The following GULP1 variants were observed in gnomAD, a reference collection of about 807,000 sequenced individuals.
GULP1 encodes GULP PTB domain containing engulfment adaptor 1, also known as PTB domain-containing engulfment adapter protein 1.
GULP1 carries 19 observed loss-of-function variants against 40.9 expected under a neutral mutation model. The ratio of observed to expected loss-of-function variants is 0.46; its 90% CI spans 0.32 to 0.68. The LOEUF (loss-of-function observed/expected upper bound fraction) is 0.68. GULP1 is among the 30% of genes least tolerant of loss of function. The pLI is 0.03. For synonymous variants in GULP1, 119 were observed against 117.6 expected, an observed-to-expected ratio of 1.01 and a Z score of -0.08; for missense variants, 312 against 362.2, an observed-to-expected ratio of 0.86 and a Z score of 1.12.
At chr2:188,529,295 T>C (rs1438234727) in intron 6 of GULP1, 100 bp downstream of exon 6, 9 of 600,124 alleles carry the variant, frequency 1.5e-5, no homozygotes, top group Non-Finnish European at 2.6e-5. Flanking sequence ...CTGAACTGTT[T>C]AGTTCTGAGT....
chr2:188,555,696 C>T (rs552453770), intron 7 of GULP1, among the ~76,000 whole-genome samples: 19 of 152,018 alleles, frequency 1.2e-4, no homozygotes, highest in Non-Finnish European at 2.5e-4. Context: ...ACTGCCTTTT[C>T]GTTTTGTATC....
intron 1 of GULP1, among the ~76,000 whole-genome samples, chr2:188,370,943 C>T (rs569410818): frequency 6.6e-6 from 1 of 151,952 alleles, no homozygotes; most frequent in East Asian, 1.9e-4. Flanking sequence ...AGATTTTTCT[C>T]CTCTCTTTAA....
At chr2:188,405,578 T>G (rs771618955) in intron 2 of GULP1, among the ~76,000 whole-genome samples, 51 of 152,270 alleles carry the variant, frequency 3.3e-4, no homozygotes, top group Middle Eastern at 3.4e-3. Flanking sequence ...GGACCCAGGC[T>G]TCAGGCCAGC....
At chr2:188,578,282 AT>A (rs1700555548) in intron 9 of GULP1, among the ~76,000 whole-genome samples, 1 of 151,996 alleles carries the variant, frequency 6.6e-6, no homozygotes, top group Non-Finnish European at 1.5e-5. Context: ...ACACTTTTAT[AT>A]TTCTTTTTGT....
Position 188,533,253 on chromosome 2 carries a change from T to C in GULP1, c.261+4058T>C, listed in dbSNP as rs145239525. Among the ~76,000 whole-genome samples the C allele has an allele frequency of 3.6e-3, 550 of 151,902 alleles. 5 individuals carry two copies. Among genetic ancestry groups the C allele is most frequent in the African/African-American group, 0.013 (528 of 41,436 alleles). On this transcript the variant is annotated intron_variant, in intron 6 of 11. Coordinates refer to ENST00000409830, the MANE Select transcript of GULP1 (RefSeq NM_016315.4). ...TGAGGAAAAACCAAAGTGAATAGGG[T>C]CAAAAATTAAGCTGGGCTTAGAAAA...
At chr2:188,423,864 T>A (rs1270392736) in intron 2 of GULP1, among the ~76,000 whole-genome samples, 3 of 151,774 alleles carry the variant, frequency 2.0e-5, no homozygotes, top group Admixed American at 2.0e-4. Context: ...ATAATATTTT[T>A]AAAATTATTT....
intron 7 of GULP1, among the ~76,000 whole-genome samples, chr2:188,544,982 G>A (rs960143858): frequency 6.6e-6 from 1 of 151,940 alleles, no homozygotes; most frequent in Admixed American, 6.6e-5. Flanking sequence ...AATCTTGAAA[G>A]CAGCATGAGA....
At chr2:188,390,350 C>A (rs905186448) in intron 2 of GULP1, among the ~76,000 whole-genome samples, 1 of 151,964 alleles carries the variant, frequency 6.6e-6, no homozygotes, top group African/African-American at 2.4e-5. Flanking sequence ...TAATTGGCAT[C>A]GTCCTGATGA....
intron 2 of GULP1, among the ~76,000 whole-genome samples, chr2:188,419,338 A>G (rs770316033): frequency 6.6e-6 from 1 of 151,966 alleles, no homozygotes; most frequent in South Asian, 2.1e-4. Context: ...AAGAGTCCCA[A>G]TTTCTCCATA....
intron 4 of GULP1, among the ~76,000 whole-genome samples, chr2:188,511,398 C>G (rs1157954246): frequency 1.3e-5 from 2 of 152,114 alleles, no homozygotes; most frequent in African/African-American, 4.8e-5. Context: ...TGAAGCTTGC[C>G]TGGCTCCAAA....
At chr2:188,588,431 A>G (rs1702856540) in intron 11 of GULP1, 1 of 161,994 alleles carries the variant, frequency 6.2e-6, no homozygotes, top group African/African-American at 2.4e-5. Flanking sequence ...ACCAGTGACA[A>G]CTTATTTAGG....
At chr2:188,569,526 T>G in intron 8 of GULP1, 171 bp downstream of exon 8, 1 of 578,020 alleles carries the variant, frequency 1.7e-6, no homozygotes, top group Non-Finnish European at 3.1e-6. Context: ...CTGCACAGTT[T>G]TTTTTTTTTA....
At chr2:188,552,093 G>A (rs1451006425) in intron 7 of GULP1, among the ~76,000 whole-genome samples, 6 of 151,156 alleles carry the variant, frequency 4.0e-5, no homozygotes, top group South Asian at 2.1e-4. Context: ...TGAATAATCC[G>A]AAAATATTTT....
rs1278425652 is a variant in GULP1, at chr2:188,502,461, A to G, written c.90+18969A>G. Among the ~76,000 whole-genome samples, 4 of 151,950 alleles carry G rather than the reference A, an allele frequency of 2.6e-5. No individual in the cohort carries two copies. The East Asian group carries it at 5.8e-4, about 22-fold the overall frequency. ...TCATTTTCCCTCTAAAGTAATGTCTATAATTTATGTAGTAATACCCACTTC... is the reference window on the plus strand; with the variant it reads ...TCATTTTCCCTCTAAAGTAATGTCTGTAATTTATGTAGTAATACCCACTTC... On this transcript the variant is annotated intron_variant, in intron 4 of 11. Transcript: ENST00000409830.
At chr2:188,488,441 C>T (rs2062051483) in intron 4 of GULP1, among the ~76,000 whole-genome samples, 1 of 151,862 alleles carries the variant, frequency 6.6e-6, no homozygotes, top group Non-Finnish European at 1.5e-5. Flanking sequence ...TTTTTTAAAA[C>T]TTAGATCAGT....
At chr2:188,443,898 A>C (rs562759172) in intron 2 of GULP1, among the ~76,000 whole-genome samples, 38 of 152,302 alleles carry the variant, frequency 2.5e-4, no homozygotes, top group Middle Eastern at 3.4e-3. Flanking sequence ...ATTTCAATTA[A>C]GAGTAGTAAT....
chr2:188,294,518 A>G (rs1360585127), intron 1 of GULP1: 2 of 148,222 alleles, frequency 1.3e-5, no homozygotes, highest in Non-Finnish European at 3.0e-5. Flanking sequence ...TGTATGTTTC[A>G]TCTCTCTTTT....
chr2:188,551,749 A>G (rs1693506281), intron 7 of GULP1, among the ~76,000 whole-genome samples: 1 of 151,800 alleles, frequency 6.6e-6, no homozygotes, highest in South Asian at 2.1e-4. Flanking sequence ...TGAAATCTTC[A>G]TACTGTTTTC....
intron 1 of GULP1, among the ~76,000 whole-genome samples, chr2:188,375,427 CT>C (rs2048172917): frequency 6.6e-6 from 1 of 152,184 alleles, no homozygotes; most frequent in Admixed American, 6.5e-5. Flanking sequence ...AAACTAATGA[CT>C]TTTTATGTAA....
Sources: gnomAD v4.1 joint callset for allele counts (sites outside exome capture counted in the v4.1 genomes callset) on GRCh38, gnomAD v4.1.1 for gene constraint, MANE v1.5 for transcripts, NCBI Gene and HGNC (gene_info 2026-07-23, HGNC 2026-07-21) for gene names.